The following XCR1 variants were observed in gnomAD, a reference collection of about 807,000 sequenced individuals.
The protein encoded by XCR1 is chemokine XC receptor 1.
For synonymous variants in XCR1, 187 were observed against 188.5 expected (o/e 0.99, Z 0.06); for missense variants, 356 against 424.2 (o/e 0.84, Z 1.41).
chr3:46,043,973 C>A (rs1442300952), intron 5 of XCR1, among the ~76,000 whole-genome samples: 1 of 151,776 alleles, frequency 6.6e-6, no homozygotes, highest in Admixed American at 6.6e-5. Flanking sequence ...TGAAGTGGTA[C>A]CCCATTGTGG....
chr3:46,025,729 A>AT (rs1381180396), intron 1 of XCR1, among the ~76,000 whole-genome samples: 1 of 152,276 alleles, frequency 6.6e-6, no homozygotes, highest in East Asian at 1.9e-4. Context: ...TTTTCTAGTG[A>AT]TTTTTTTAAA....
At chr3:46,070,369 T>G (rs1344973822) in intron 3 of XCR1, among the ~76,000 whole-genome samples, 2 of 152,152 alleles carry the variant, frequency 1.3e-5, no homozygotes, top group Non-Finnish European at 2.9e-5. Context: ...TATCTAATGC[T>G]GTAGGTGGGA....
chr3:46,031,400 G>A (rs950304024), upstream of XCR1, among the ~76,000 whole-genome samples: 1 of 152,260 alleles, frequency 6.6e-6, no homozygotes, highest in Non-Finnish European at 1.5e-5. Context: ...CTTGGGTGCT[G>A]TTGCAACCTG....
chr3:46,062,112 C>A (rs1055586768), intron 4 of XCR1, among the ~76,000 whole-genome samples: 1 of 152,132 alleles, frequency 6.6e-6, no homozygotes, highest in Non-Finnish European at 1.5e-5. Flanking sequence ...CCCAGGGCAC[C>A]TCTGGGACTT....
chr3:46,035,932 T>C (rs1208182803), intron 5 of XCR1, among the ~76,000 whole-genome samples: 1 of 152,086 alleles, frequency 6.6e-6, no homozygotes, highest in Non-Finnish European at 1.5e-5. Flanking sequence ...TCCTAAGGAA[T>C]TTTTGTTTGC....
intron 3 of XCR1, among the ~76,000 whole-genome samples, chr3:46,071,983 A>G (rs575687606): frequency 4.7e-4 from 71 of 152,150 alleles, no homozygotes; most frequent in Non-Finnish European, 9.1e-4. Context: ...AGAGAAACAA[A>G]TTTTAAAAAT....
intron 4 of XCR1, among the ~76,000 whole-genome samples, chr3:46,059,753 C>A (rs551208980): frequency 1.3e-5 from 2 of 152,306 alleles, no homozygotes; most frequent in South Asian, 2.1e-4. Context: ...TGTGTATACA[C>A]CTTTATTGAG....
At chr3:46,023,147 G>A (rs1708193930) in intron 1 of XCR1, 2 of 382,860 alleles carry the variant, frequency 5.2e-6, no homozygotes, top group African/African-American at 4.3e-5. Context: ...CGGCGCAGGG[G>A]GCGGGCCCGT....
chr3:46,021,879 C>G lies in XCR1; in HGVS notation c.69G>C (p.Glu23Asp). 1.2e-6 allele frequency: 2 copies of G among 1,614,102 alleles called. No individual in the cohort carries two copies. The highest frequency in any genetic ancestry group is 1.7e-6 in the Non-Finnish European group (2 of 1,180,020). The change falls in exon 2 of 2, where the codon GAG becomes GAC. Residue 23 changes from glutamate to aspartate, a missense_variant. Glu to Asp is a conservative substitution (Grantham distance 45, BLOSUM62 2). Coordinates refer to ENST00000309285, the MANE Select transcript of XCR1 (RefSeq NM_001024644.2). The surrounding 1 kb of genome is among the most constrained non-coding windows in gnomAD (Gnocchi z 4.7). ...GGGTAGCAAAGACCCAGGCCTGGTT[C>G]TCACACGGCTGGCTCTGAAGGTCAT... ...FYYDLQSQPCENQAWVFATLA... is the reference protein window; with the variant it reads ...FYYDLQSQPCDNQAWVFATLA...
chr3:46,064,060 ACAAAG>A (rs1698015456), intron 4 of XCR1, among the ~76,000 whole-genome samples: 1 of 152,078 alleles, frequency 6.6e-6, no homozygotes, highest in Non-Finnish European at 1.5e-5. Flanking sequence ...TTTAGTAGAG[ACAAAG>A]TCTTGCTGTG....
intron 5 of XCR1, among the ~76,000 whole-genome samples, chr3:46,042,092 C>A (rs1298234028): frequency 6.6e-6 from 1 of 152,100 alleles, no homozygotes; most frequent in African/African-American, 2.4e-5. Flanking sequence ...GATAAGAAAT[C>A]ATAAGGGAAA....
At chr3:46,074,439 A>G (rs1324745130) in intron 3 of XCR1, among the ~76,000 whole-genome samples, 1 of 152,050 alleles carries the variant, frequency 6.6e-6, no homozygotes, top group Non-Finnish European at 1.5e-5. Flanking sequence ...TAGAATGTGG[A>G]GTAATACACA....
At chr3:46,046,072 G>A (rs571012285) in intron 5 of XCR1, among the ~76,000 whole-genome samples, 90 of 152,294 alleles carry the variant, frequency 5.9e-4, no homozygotes, top group Non-Finnish European at 7.9e-4. Flanking sequence ...GCAGCAACAT[G>A]GAGAGAACTG....
intron 5 of XCR1, among the ~76,000 whole-genome samples, chr3:46,038,327 T>C (rs911204016): frequency 7.9e-5 from 12 of 152,100 alleles, no homozygotes; most frequent in Non-Finnish European, 5.9e-5. Context: ...CGTGTGTGTG[T>C]TTTTTTAACC....
chr3:46,080,006 G>A (rs73830727), intron 1 of XCR1, among the ~76,000 whole-genome samples: 2,209 of 152,058 alleles, frequency 0.015, 46 homozygotes, highest in African/African-American at 0.049. Flanking sequence ...AATGTAGAGT[G>A]GAAGATAATT....
chr3:46,045,816 T>A (rs4683165), intron 5 of XCR1, among the ~76,000 whole-genome samples: 3,463 of 152,204 alleles, frequency 0.023, 60 homozygotes, highest in Middle Eastern at 0.082. Context: ...GGAGATTTCT[T>A]AAAGAACCAA....
At chr3:46,041,840 G>T (rs901498252) in intron 5 of XCR1, among the ~76,000 whole-genome samples, 1 of 152,104 alleles carries the variant, frequency 6.6e-6, no homozygotes, top group African/African-American at 2.4e-5. Context: ...TTGCTTCCTT[G>T]CTACTCCCTA....
chr3:46,050,745 A>G (rs1697725420), intron 5 of XCR1, among the ~76,000 whole-genome samples: 1 of 152,188 alleles, frequency 6.6e-6, no homozygotes, highest in African/African-American at 2.4e-5. Context: ...ATAGAGGCTC[A>G]TCCTTCTCGT....
chr3:46,027,154 T>A (rs1457682351), intron 1 of XCR1, among the ~76,000 whole-genome samples: 1 of 152,118 alleles, frequency 6.6e-6, no homozygotes, highest in South Asian at 2.1e-4. Context: ...ACTTAAGCAA[T>A]CTGCCAGCCT....
Sources: gnomAD v4.1 joint callset for allele counts (sites outside exome capture counted in the v4.1 genomes callset) on GRCh38, gnomAD v4.1.1 for gene constraint, Gnocchi (gnomAD v3.1) non-coding constraint, MANE v1.5 for transcripts, NCBI Gene and HGNC (gene_info 2026-07-23, HGNC 2026-07-21) for gene names.